The following MTUS2 variants were observed in gnomAD, a reference collection of about 807,000 sequenced individuals.
The protein encoded by MTUS2 is microtubule-associated tumor suppressor candidate 2.
A neutral mutation model predicts 114.1 loss-of-function variants in MTUS2; 40 were observed. The ratio of observed to expected loss-of-function variants is 0.35; its 90% CI spans 0.27 to 0.46. The LOEUF is 0.46. MTUS2 is among the 20% of genes least tolerant of loss of function. The pLI is 1.00. For missense variants in MTUS2, 1,679 were observed against 1,705.4 expected (o/e 0.98, Z 0.27); for synonymous variants, 688 against 672.0 (o/e 1.02, Z -0.37).
chr13:29,182,482 A>G (rs1261456577), intron 5 of MTUS2, among the ~76,000 whole-genome samples: 6 of 152,226 alleles, frequency 3.9e-5, no homozygotes, highest in African/African-American at 7.2e-5. Flanking sequence ...GGCAGAATCA[A>G]TCATTTCCTC....
intron 5 of MTUS2, among the ~76,000 whole-genome samples, chr13:29,121,098 T>C (rs1891287817): frequency 6.6e-6 from 1 of 152,212 alleles, no homozygotes; most frequent in Non-Finnish European, 1.5e-5. Flanking sequence ...TAAGTCCTTA[T>C]TACTTTTTTA....
At position 29,324,543 on chromosome 13, in the gene MTUS2, C is replaced by T. The variant is rs1593303278; in HGVS notation, c.2807-70C>T. The stretch of plus-strand genomic sequence containing the variant: ...GACTTTCTTGAAGCCACCCTTTCCA[C>T]AACTTATGTTGCCATTTCAATTTTA... On this transcript the variant is annotated intron_variant, in intron 6 of 15. Coordinates refer to ENST00000612955, the MANE Select transcript of MTUS2 (RefSeq NM_001033602.4). 24 of 1,197,630 alleles carry T rather than the reference C, an allele frequency of 2.0e-5. No individual in the cohort carries two copies. The East Asian group carries it at 5.6e-4, about 28-fold the overall frequency. The allele number at this position is 1,197,630 out of a possible 1,614,324, so 74.2% of individuals were successfully genotyped here.
chr13:29,368,475 C>T (rs1175135200), intron 8 of MTUS2, among the ~76,000 whole-genome samples: 1 of 151,966 alleles, frequency 6.6e-6, no homozygotes, highest in Non-Finnish European at 1.5e-5. Context: ...TTCAAAATAG[C>T]CAGAAGAGAA....
intron 4 of MTUS2, among the ~76,000 whole-genome samples, chr13:29,036,149 A>G (rs1468708197): frequency 7.9e-6 from 1 of 125,836 alleles, no homozygotes; most frequent in Non-Finnish European, 1.7e-5. Context: ...CTCAAAAAAA[A>G]AAAAAAAGAA....
chr13:29,123,310 T>C (rs371974583), intron 5 of MTUS2, among the ~76,000 whole-genome samples: 7 of 152,242 alleles, frequency 4.6e-5, no homozygotes, highest in African/African-American at 1.7e-4. Context: ...CTGTGATTCA[T>C]TGTGTTTATA....
chr13:29,333,873 G>A (rs1466156843), intron 7 of MTUS2, among the ~76,000 whole-genome samples: 1 of 152,150 alleles, frequency 6.6e-6, no homozygotes, highest in Non-Finnish European at 1.5e-5. Context: ...GAGTGCTCCT[G>A]TATTGGGAGC....
chr13:29,148,213 T>G (rs897118451), intron 5 of MTUS2, among the ~76,000 whole-genome samples: 9 of 151,856 alleles, frequency 5.9e-5, no homozygotes, highest in Non-Finnish European at 1.0e-4. Flanking sequence ...TTTTTTTTTT[T>G]CATTTCCAAC....
intron 8 of MTUS2, among the ~76,000 whole-genome samples, chr13:29,405,723 G>C (rs556092077): frequency 1.3e-5 from 2 of 149,270 alleles, no homozygotes; most frequent in African/African-American, 4.9e-5. Flanking sequence ...ATATTATGAC[G>C]ACCATGGGCT....
At chr13:29,363,328 A>G (rs7319027) in intron 8 of MTUS2, among the ~76,000 whole-genome samples, 95,863 of 151,994 alleles carry the variant, frequency 0.63, 31,009 homozygotes, top group East Asian at 0.73. Context: ...TATTTTTCAT[A>G]TCTATTCTTG....
chr13:29,209,560 T>A (rs910118465), intron 5 of MTUS2, among the ~76,000 whole-genome samples: 11 of 152,148 alleles, frequency 7.2e-5, no homozygotes, highest in Admixed American at 5.2e-4. Context: ...GGTTCTATTT[T>A]TATATATTTT....
At chr13:29,273,601 T>C (rs899664122) in intron 5 of MTUS2, among the ~76,000 whole-genome samples, 2 of 152,192 alleles carry the variant, frequency 1.3e-5, no homozygotes, top group African/African-American at 4.8e-5. Context: ...TATAATTTAG[T>C]GACTTTCAGT....
intron 2 of MTUS2, among the ~76,000 whole-genome samples, chr13:28,894,200 A>G (rs564375618): frequency 6.7e-6 from 1 of 149,058 alleles, no homozygotes; most frequent in African/African-American, 2.5e-5. Context: ...TTTGGGAAGT[A>G]AGTAGGTTTA....
chr13:29,493,826 C>G (rs117964483), intron 12 of MTUS2, among the ~76,000 whole-genome samples: 231 of 152,298 alleles, frequency 1.5e-3, no homozygotes, highest in Admixed American at 2.4e-3. Flanking sequence ...ATCCCAAACC[C>G]AAAGAAATGA....
intron 5 of MTUS2, among the ~76,000 whole-genome samples, chr13:29,169,227 G>A (rs183176837): frequency 4.0e-4 from 61 of 152,248 alleles, no homozygotes; most frequent in Admixed American, 5.9e-4. Flanking sequence ...TAGTAATAAA[G>A]CAAAATATTA....
At chr13:28,857,405 G>A (rs1876702623) in intron 2 of MTUS2, among the ~76,000 whole-genome samples, 4 of 152,214 alleles carry the variant, frequency 2.6e-5, no homozygotes, top group Admixed American at 2.6e-4. Context: ...GGGAAATGGA[G>A]TAGAGACTCA....
chr13:29,418,132 C>T (rs1426107809), intron 8 of MTUS2, among the ~76,000 whole-genome samples: 1 of 152,168 alleles, frequency 6.6e-6, no homozygotes, highest in East Asian at 1.9e-4. Context: ...GGGTCTCGGG[C>T]ATTAGTGTCA....
intron 2 of MTUS2, among the ~76,000 whole-genome samples, chr13:28,872,728 A>G (rs556255907): frequency 6.6e-6 from 1 of 152,252 alleles, no homozygotes; most frequent in East Asian, 1.9e-4. Flanking sequence ...GAGGGCATTA[A>G]TCTATTCATG....
chr13:29,177,881 C>A (rs908982106), intron 5 of MTUS2, among the ~76,000 whole-genome samples: 2 of 152,180 alleles, frequency 1.3e-5, no homozygotes, highest in Admixed American at 6.5e-5. Flanking sequence ...AAACCCACCA[C>A]TGTTATCTCC....
intron 2 of MTUS2, among the ~76,000 whole-genome samples, chr13:29,017,711 A>T (rs896509271): frequency 3.3e-5 from 5 of 151,904 alleles, no homozygotes; most frequent in African/African-American, 1.2e-4. Flanking sequence ...TTGAAAAAAA[A>T]AAAAACTCAC....
Sources: allele counts gnomAD v4.1 joint callset (sites outside exome capture counted in the v4.1 genomes callset), GRCh38; gene constraint gnomAD v4.1.1; transcripts MANE v1.5; gene names NCBI Gene and HGNC (gene_info 2026-07-23, HGNC 2026-07-21).